PCM1: variants seen among roughly 807,000 people sequenced by gnomAD.
The protein encoded by PCM1 is pericentriolar material 1 protein.
A neutral mutation model predicts 241.9 loss-of-function variants in PCM1; 157 were observed. That is an observed-to-expected ratio of 0.65 (90% CI 0.57 to 0.74). The LOEUF is 0.74. PCM1 is among the 30% of genes least tolerant of loss of function. The pLI is 0.00. For synonymous variants in PCM1, 1,085 were observed against 784.9 expected (o/e 1.38, Z -6.39); for missense variants, 3,478 against 2,360.1 (o/e 1.47, Z -9.81).
intron 29 of PCM1, among the ~76,000 whole-genome samples, chr8:18,001,851 T>A (rs2089542871): frequency 1.3e-5 from 2 of 152,082 alleles, no homozygotes; most frequent in South Asian, 4.2e-4. Context: ...TTTCTCTGTA[T>A]CTGACTTTAC....
intron 2 of PCM1, among the ~76,000 whole-genome samples, chr8:17,928,339 C>G (rs1007540772): frequency 2.0e-5 from 3 of 152,174 alleles, no homozygotes; most frequent in Non-Finnish European, 2.9e-5. Context: ...CTTTTCTACG[C>G]TCTCTCAGAC....
chr8:17,929,632 CT>C (rs961570560), intron 2 of PCM1, among the ~76,000 whole-genome samples: 2 of 152,106 alleles, frequency 1.3e-5, no homozygotes, highest in African/African-American at 4.8e-5. Flanking sequence ...TATCCTTTAT[CT>C]TTTAACTCTA....
Position 17,938,845 on chromosome 8 carries a change from A to T in PCM1, c.448A>T (p.Thr150Ser). ...PFNFLPMQIN[T>S]NKSKDASTNP... Reference sequence around the variant, plus strand: ...CAACTTTTTGCCTATGCAGATTAATACTAACAAGAGCAAAGATGCATCTAC... The same window carrying T: ...CAACTTTTTGCCTATGCAGATTAATTCTAACAAGAGCAAAGATGCATCTAC... The change falls in exon 5 of 39, where the codon ACT (threonine) becomes TCT (serine). Residue 150 changes from threonine to serine, a missense_variant. Transcript: ENST00000325083. 1 of 1,613,672 alleles carries T rather than the reference A, an allele frequency of 6.2e-7. No homozygotes were observed. The highest frequency in any genetic ancestry group is 8.5e-7 in the Non-Finnish European group (1 of 1,179,550).
At chr8:17,936,528 TACC>T (rs1376559278) in intron 3 of PCM1, among the ~76,000 whole-genome samples, 1 of 152,182 alleles carries the variant, frequency 6.6e-6, no homozygotes, top group African/African-American at 2.4e-5. Context: ...TATTAGCTGT[TACC>T]ATGTACATTT....
In PCM1 at chr8:17,956,856, G is replaced by A. The variant is rs187093987; in HGVS notation, c.1646+79G>A. On this transcript the variant is annotated intron_variant, in intron 11 of 38. Transcript: ENST00000325083. Reference sequence around the variant, plus strand: ...TATAATGTGGGAACAAAAATACTTCGTTGTAGTATTTACTATTTGCCTTTT... The same window carrying A: ...TATAATGTGGGAACAAAAATACTTCATTGTAGTATTTACTATTTGCCTTTT... The A allele has an allele frequency of 1.2e-4, 135 of 1,112,796 alleles. No homozygotes were observed. In the East Asian group the frequency reaches 2.1e-3, roughly 17 times the overall value. 68.9% of individuals were successfully genotyped at this position (1,112,796 alleles called of 1,614,324 possible).
chr8:18,025,336 A>AT (rs574221636), intron 36 of PCM1, 25 bp from the exon 37 acceptor site: 22,310 of 908,014 alleles, frequency 0.025, 72 homozygotes, highest in African/African-American at 0.066. Flanking sequence ...TAGAGTATGT[A>AT]TTTTTTTTTT....
chr8:17,932,775 TTCTTG>T (rs1393171045), intron 2 of PCM1, among the ~76,000 whole-genome samples: 2 of 152,196 alleles, frequency 1.3e-5, no homozygotes, highest in Non-Finnish European at 2.9e-5. Flanking sequence ...CCATTCAATT[TTCTTG>T]TCTTTTTAAA....
chr8:17,935,206 A>G (rs17125954), intron 2 of PCM1, among the ~76,000 whole-genome samples: 1,759 of 152,324 alleles, frequency 0.012, 33 homozygotes, highest in African/African-American at 0.04. Flanking sequence ...CTTCATCCCA[A>G]GTCCATTGTC....
rs1453188374 is a variant in PCM1, at chr8:18,028,532, A to G, written c.*870A>G. The G allele has an allele frequency of 4.9e-6, 1 of 203,024 alleles. No individual in the cohort carries two copies. The highest frequency in any genetic ancestry group is 1.0e-5 in the Non-Finnish European group (1 of 98,836). The allele number at this position is 203,024 out of a possible 1,614,324, so 12.6% of individuals were successfully genotyped here. ...GTAAGATTCTGTATGCCTTCAGATA[A>G]ACTTGCCTATTGAGATGGTAATTTA... On this transcript the variant is annotated 3_prime_UTR_variant, in exon 39 of 39. Transcript: ENST00000325083.
At chr8:17,939,197 T>A (rs919134167) in intron 5 of PCM1, among the ~76,000 whole-genome samples, 188 bp downstream of exon 5, 1 of 152,206 alleles carries the variant, frequency 6.6e-6, no homozygotes, top group African/African-American at 2.4e-5. Flanking sequence ...CAAAAATATT[T>A]TAGAAATGGC....
chr8:17,994,885 A>AT (rs1267243693), intron 29 of PCM1, among the ~76,000 whole-genome samples: 3 of 150,806 alleles, frequency 2.0e-5, no homozygotes, highest in Non-Finnish European at 2.9e-5. Flanking sequence ...AGATTATTAG[A>AT]TTTTTTCCTA....
chr8:17,977,171 T>C (rs1334509881), intron 23 of PCM1, among the ~76,000 whole-genome samples: 1 of 152,196 alleles, frequency 6.6e-6, no homozygotes, highest in Non-Finnish European at 1.5e-5. Flanking sequence ...AAATGAGCAA[T>C]AGTACTACCA....
At chr8:17,977,183 T>A (rs1278496542) in intron 23 of PCM1, among the ~76,000 whole-genome samples, 1 of 152,216 alleles carries the variant, frequency 6.6e-6, no homozygotes, top group Non-Finnish European at 1.5e-5. Flanking sequence ...GTACTACCAG[T>A]CATGTCATTT....
intron 13 of PCM1, among the ~76,000 whole-genome samples, chr8:17,958,633 A>C (rs975235612): frequency 1.3e-5 from 2 of 152,202 alleles, no homozygotes; most frequent in African/African-American, 2.4e-5. Context: ...CTCAAGTTTT[A>C]TTAACAGTTT....
intron 13 of PCM1, 98 bp downstream of exon 13, chr8:17,957,873 A>G (rs1201589440): frequency 2.5e-6 from 2 of 786,992 alleles, no homozygotes; most frequent in African/African-American, 1.7e-5. Context: ...TTATACTAAT[A>G]CACATTTATG....
intron 28 of PCM1, 44 bp from the exon 29 acceptor site, chr8:17,993,439 T>A (rs534243125): frequency 7.1e-7 from 1 of 1,400,916 alleles, no homozygotes; most frequent in East Asian, 2.5e-5. Flanking sequence ...TATGTATATA[T>A]AATAGGCTTT....
chr8:17,948,548 C>G (rs987133186), intron 7 of PCM1, among the ~76,000 whole-genome samples: 1 of 151,918 alleles, frequency 6.6e-6, no homozygotes, highest in Non-Finnish European at 1.5e-5. Context: ...TGTGATCTGC[C>G]CGCCTTGGCC....
intron 15 of PCM1, 58 bp downstream of exon 15, chr8:17,960,502 A>C: frequency 1.5e-6 from 2 of 1,298,522 alleles, no homozygotes; most frequent in South Asian, 2.8e-5. Context: ...CCTTAGGTCA[A>C]CTGAAAGTAC....
At position 17,964,603 on chromosome 8, in the gene PCM1, C is replaced by A; in HGVS notation, c.2690C>A (p.Ala897Glu). ...ACTTGGGGAGGGTCTACCCAGTGTG[C>A]ACTAGATGAAGAAGGAGATGAAGAC... ...MATWGGSTQC[A>E]LDEEGDEDGY... is the part of the protein sequence containing the mutation. The change falls in exon 18 of 39, where the codon GCA becomes GAA. Residue 897 changes from alanine to glutamate, a missense_variant. Transcript: ENST00000325083. 2 of 1,613,742 alleles carry A rather than the reference C, an allele frequency of 1.2e-6. No homozygotes were observed. Among genetic ancestry groups the A allele is most frequent in the Non-Finnish European group, 1.7e-6 (2 of 1,179,806 alleles).
Sources: gnomAD v4.1 joint callset for allele counts (sites outside exome capture counted in the v4.1 genomes callset) on GRCh38, gnomAD v4.1.1 for gene constraint, MANE v1.5 for transcripts, NCBI Gene and HGNC (gene_info 2026-07-23, HGNC 2026-07-21) for gene names.